The following BTRC variants were observed in gnomAD, a reference collection of about 807,000 sequenced individuals.
The protein encoded by BTRC is beta-transducin repeat containing E3 ubiquitin protein ligase.
BTRC carries 42 observed loss-of-function variants against 85.5 expected under a neutral mutation model. That is an observed-to-expected ratio of 0.49 (90% CI 0.38 to 0.64). The LOEUF (loss-of-function observed/expected upper bound fraction) is 0.64. BTRC is among the 30% of genes least tolerant of loss of function. BTRC has a pLI of 0.00. For missense variants in BTRC, 594 were observed against 743.5 expected (o/e 0.80, Z 2.34); for synonymous variants, 255 against 263.3 (o/e 0.97, Z 0.30).
chr10:101,403,271 A>G (rs994330446), intron 1 of BTRC, among the ~76,000 whole-genome samples: 1 of 152,218 alleles, frequency 6.6e-6, no homozygotes, highest in Non-Finnish European at 1.5e-5. Flanking sequence ...TTTTAAGGGT[A>G]CAGAGATAGC....
intron 1 of BTRC, among the ~76,000 whole-genome samples, chr10:101,428,456 A>G (rs1564766250): frequency 6.6e-6 from 1 of 152,242 alleles, no homozygotes; most frequent in African/African-American, 2.4e-5. Context: ...AACAGTGAAC[A>G]AAGTTCAGAG....
intron 2 of BTRC, among the ~76,000 whole-genome samples, chr10:101,454,471 A>C (rs1043416942): frequency 5.9e-5 from 9 of 152,158 alleles, no homozygotes; most frequent in African/African-American, 1.7e-4. Context: ...TGTTGAGTGA[A>C]CTAGACTGGA....
At chr10:101,367,741 T>C (rs920914807) in intron 1 of BTRC, among the ~76,000 whole-genome samples, 3 of 152,214 alleles carry the variant, frequency 2.0e-5, no homozygotes, top group Non-Finnish European at 4.4e-5. Context: ...TGTCCCACAT[T>C]GTTCGTAAGA....
chr10:101,393,440 T>A (rs912621989), intron 1 of BTRC, among the ~76,000 whole-genome samples: 1 of 152,038 alleles, frequency 6.6e-6, no homozygotes, highest in African/African-American at 2.4e-5. Flanking sequence ...TGGGGGACAA[T>A]CTTGGAGCTC....
chr10:101,527,440 A>G (rs570001322), intron 6 of BTRC, among the ~76,000 whole-genome samples: 56 of 152,304 alleles, frequency 3.7e-4, no homozygotes, highest in African/African-American at 1.3e-3. Context: ...AAACTAGGCA[A>G]TTTTTAGGCT....
intron 4 of BTRC, among the ~76,000 whole-genome samples, chr10:101,491,751 A>C (rs1946139647): frequency 6.6e-6 from 1 of 152,102 alleles, no homozygotes; most frequent in African/African-American, 2.4e-5. Context: ...ACTTCAGTAA[A>C]TATTTTTATA....
intron 1 of BTRC, among the ~76,000 whole-genome samples, chr10:101,383,464 G>T (rs1050821268): frequency 6.7e-6 from 1 of 150,284 alleles, no homozygotes; most frequent in African/African-American, 2.4e-5. Flanking sequence ...CTTGCCATTC[G>T]AGCAGATATT....
intron 4 of BTRC, among the ~76,000 whole-genome samples, chr10:101,492,389 A>G (rs1363123032): frequency 1.3e-5 from 2 of 152,206 alleles, no homozygotes; most frequent in East Asian, 3.8e-4. Flanking sequence ...GGGGTATAAT[A>G]CTGTAAATAA....
At chr10:101,464,759 G>C (rs1945328220) in intron 3 of BTRC, among the ~76,000 whole-genome samples, 1 of 152,174 alleles carries the variant, frequency 6.6e-6, no homozygotes, top group African/African-American at 2.4e-5. Flanking sequence ...GGGGCCCTCA[G>C]AGTCTTTTAG....
intron 7 of BTRC, among the ~76,000 whole-genome samples, chr10:101,532,070 A>T (rs2062291554): frequency 6.6e-6 from 1 of 152,224 alleles, no homozygotes; most frequent in South Asian, 2.1e-4. Flanking sequence ...TAATTGAACA[A>T]ATTATAGGCA....
intron 1 of BTRC, among the ~76,000 whole-genome samples, chr10:101,406,737 T>G (rs1943636259): frequency 6.6e-6 from 1 of 150,422 alleles, no homozygotes; most frequent in African/African-American, 2.4e-5. Context: ...TTTTGCCATG[T>G]TGGCCAGGCT....
At chr10:101,413,248 A>G (rs1386106904) in intron 1 of BTRC, among the ~76,000 whole-genome samples, 3 of 151,560 alleles carry the variant, frequency 2.0e-5, no homozygotes, top group Admixed American at 6.6e-5. Context: ...TGTTCAGGCA[A>G]TTCTCCTGCC....
rs1284957160 is a variant in BTRC at position 101,544,172 on chromosome 10, G to A, written c.1656+5801G>A. Among the ~76,000 whole-genome samples, 3 of 152,286 alleles carry A rather than the reference G, an allele frequency of 2.0e-5. No individual in the cohort carries two copies. The South Asian group carries it at 6.2e-4, about 32-fold the overall frequency. ...GATCCGCCCGCCTCAGGTTCCCAAA[G>A]TGCTGGGATTACAGGCATGAGCCAC... On this transcript the variant is annotated intron_variant, in intron 13 of 14. Transcript: ENST00000370187.
chr10:101,375,479 C>A (rs1227396668), intron 1 of BTRC, among the ~76,000 whole-genome samples: 1 of 152,170 alleles, frequency 6.6e-6, no homozygotes, highest in Non-Finnish European at 1.5e-5. Context: ...TCAGGCATTT[C>A]TTTATAGCAG....
intron 1 of BTRC, among the ~76,000 whole-genome samples, chr10:101,368,342 C>T (rs905722673): frequency 1.3e-5 from 2 of 152,146 alleles, no homozygotes; most frequent in Admixed American, 6.5e-5. Context: ...GCTTCTTGTA[C>T]AGCCTGCAGA....
At chr10:101,440,567 A>G (rs969215090) in intron 2 of BTRC, among the ~76,000 whole-genome samples, 17 of 152,064 alleles carry the variant, frequency 1.1e-4, no homozygotes, top group Admixed American at 3.9e-4. Flanking sequence ...CCAAAAATAC[A>G]AAAAATTAGC....
At chr10:101,504,870 A>T (rs906734175) in intron 4 of BTRC, among the ~76,000 whole-genome samples, 4 of 151,822 alleles carry the variant, frequency 2.6e-5, no homozygotes, top group African/African-American at 9.7e-5. Flanking sequence ...ATGAACAAAG[A>T]ATTCTCTAGA....
At chr10:101,379,443 CCTGTT>C (rs1942874159) in intron 1 of BTRC, among the ~76,000 whole-genome samples, 1 of 152,054 alleles carries the variant, frequency 6.6e-6, no homozygotes, top group Non-Finnish European at 1.5e-5. Flanking sequence ...CTCATTTAGA[CCTGTT>C]CTTTTTCAAT....
intron 1 of BTRC, among the ~76,000 whole-genome samples, chr10:101,400,633 T>C (rs923252603): frequency 2.6e-5 from 4 of 152,314 alleles, no homozygotes; most frequent in Non-Finnish European, 5.9e-5. Context: ...TGTTTTTGCC[T>C]GGGAAGTGAG....
Sources: allele counts gnomAD v4.1 joint callset (sites outside exome capture counted in the v4.1 genomes callset), GRCh38; gene constraint gnomAD v4.1.1; transcripts MANE v1.5; gene names NCBI Gene and HGNC (gene_info 2026-07-23, HGNC 2026-07-21).